The following CHDH variants were observed in gnomAD, a reference collection of about 807,000 sequenced individuals.
CHDH encodes the protein choline dehydrogenase.
Under a neutral mutation model 56.9 loss-of-function variants are expected in CHDH, and 43 were observed. The ratio of observed to expected loss-of-function variants is 0.76; its 90% CI spans 0.59 to 0.97. CHDH has a LOEUF of 0.97. Ranked by LOEUF, CHDH falls within the 50% of genes least tolerant of loss-of-function variation. The pLI, the probability that CHDH is intolerant of heterozygous loss-of-function variation, is 0.00. For synonymous variants in CHDH, 364 were observed against 348.5 expected, an observed-to-expected ratio of 1.04 and a Z score of -0.50; for missense variants, 816 against 821.1, an observed-to-expected ratio of 0.99 and a Z score of 0.08.
chr3:53,842,124 CAAA>C (rs57514436), intron 1 of CHDH, among the ~76,000 whole-genome samples: 1 of 137,960 alleles, frequency 7.2e-6, no homozygotes, highest in Non-Finnish European at 1.6e-5. Context: ...CACTCTGTCT[CAAA>C]AAAAAAAAAG....
intron 2 of CHDH, among the ~76,000 whole-genome samples, chr3:53,828,037 A>G (rs2095642039): frequency 6.6e-6 from 1 of 152,206 alleles, no homozygotes; most frequent in South Asian, 2.1e-4. Flanking sequence ...GAATAGATCA[A>G]TGGAACAGAA....
At chr3:53,828,030 T>C (rs929477384) in intron 2 of CHDH, among the ~76,000 whole-genome samples, 1 of 152,128 alleles carries the variant, frequency 6.6e-6, no homozygotes, top group Non-Finnish European at 1.5e-5. Context: ...TATTGGTGAA[T>C]AGATCAATGG....
chr3:53,824,061 C>A lies in CHDH; in HGVS notation c.-53G>T. The A allele has an allele frequency of 7.2e-7, 1 of 1,392,930 alleles. No homozygotes were observed. Among genetic ancestry groups the A allele is most frequent in the Non-Finnish European group, 9.3e-7 (1 of 1,073,282 alleles). 86.3% of individuals were successfully genotyped at this position (1,392,930 alleles called of 1,614,324 possible). ...CCACGGAGGGGAATGAGATGACTCA[C>A]TTCTCCCTAAAACAGGAAGAGGGGC... is the stretch of plus-strand genomic sequence containing the variant. On this transcript the variant is annotated 5_prime_UTR_variant, in exon 3 of 9. Transcript: ENST00000315251.
chr3:53,819,442 AGGGAGAAT>A lies in CHDH; in HGVS notation c.1263+82_1263+89del. On this transcript the variant is annotated intron_variant, in intron 7 of 8. Transcript: ENST00000315251. The surrounding 1 kb of genome is among the most constrained non-coding windows in gnomAD (Gnocchi z 5.4). Reference sequence around the variant, plus strand: ...CCCCACTCTGCAGCCATATGGCACCAGGGAGAATGCTGCCTTGGAAGATGGGAGCATCT... The same window carrying A: ...CCCCACTCTGCAGCCATATGGCACCAGCTGCCTTGGAAGATGGGAGCATCT... 2.7e-6 allele frequency: 4 copies of A among 1,504,242 alleles called. No homozygotes were observed. In the South Asian group the frequency reaches 5.2e-5, roughly 20 times the overall value. 93.2% of individuals were successfully genotyped at this position (1,504,242 alleles called of 1,614,324 possible).
intron 1 of CHDH, chr3:53,844,679 GAGCCT>G (rs1698794023): frequency 6.6e-6 from 1 of 152,610 alleles, no homozygotes; most frequent in African/African-American, 2.4e-5. Flanking sequence ...GCACAGCCCA[GAGCCT>G]GGCCCACAGC....
In CHDH at chr3:53,816,145, CGCCCCAGTCTGTAAGCCG is replaced by C. The variant is rs2095615645; in HGVS notation, c.*1614_*1631del. On this transcript the variant is annotated 3_prime_UTR_variant, in exon 9 of 9. Transcript: ENST00000315251. Reference sequence around the variant, plus strand: ...GTGGCTGTCGGACGCCCCCCCCCCCCGCCCCAGTCTGTAAGCCGCCCCAATCCTCTCAGATCCGAGCAA... The same window carrying C: ...GTGGCTGTCGGACGCCCCCCCCCCCCCCCCAATCCTCTCAGATCCGAGCAA... 9.1e-6 allele frequency: 1 copy of C among 109,466 alleles called. No individual in the cohort carries two copies. The highest frequency in any genetic ancestry group is 9.9e-5 in the Admixed American group (1 of 10,152). 6.8% of individuals were successfully genotyped at this position (109,466 alleles called of 1,614,324 possible).
In CHDH at chr3:53,817,374, C is replaced by A. The variant is rs923667403; in HGVS notation, c.*403G>T. ...AAGAAGGAGGATGCCCCTTCCTTCG[C>A]GAACCCTCCGTGGGTCTGGCAGGCA... On this transcript the variant is annotated 3_prime_UTR_variant, in exon 9 of 9. Coordinates refer to ENST00000315251, the MANE Select transcript of CHDH (RefSeq NM_018397.5). 2 of 185,046 alleles carry A rather than the reference C, an allele frequency of 1.1e-5. No homozygotes were observed. Among genetic ancestry groups the A allele is most frequent in the African/African-American group, 2.4e-5 (1 of 42,512 alleles). 11.5% of individuals were successfully genotyped at this position (185,046 alleles called of 1,614,324 possible).
chr3:53,839,271 C>T (rs985850993), intron 2 of CHDH, among the ~76,000 whole-genome samples: 1 of 152,194 alleles, frequency 6.6e-6, no homozygotes, highest in Admixed American at 6.5e-5. Flanking sequence ...CTAGATCAAT[C>T]CACCGACTCA....
rs2095610961 is a variant in CHDH at position 53,813,878 on chromosome 3, T to C, written c.*3899A>G. The C allele has an allele frequency of 6.6e-6, 1 of 152,250 alleles. No homozygotes were observed. Among genetic ancestry groups the C allele is most frequent in the Non-Finnish European group, 1.5e-5 (1 of 68,052 alleles). The allele number at this position is 152,250 out of a possible 1,614,324, so 9.4% of individuals were successfully genotyped here. A position where few individuals can be genotyped will look rare whatever the true frequency, so the allele number is the denominator to read the frequency against. ...AATAACACATTTAGTTTCTTTAGTCTTATGTTTTTCATAATCTCACAAAAT... is the reference window on the plus strand; with the variant it reads ...AATAACACATTTAGTTTCTTTAGTCCTATGTTTTTCATAATCTCACAAAAT... On this transcript the variant is annotated 3_prime_UTR_variant, in exon 9 of 9. Coordinates refer to ENST00000315251, the MANE Select transcript of CHDH (RefSeq NM_018397.5).
intron 2 of CHDH, among the ~76,000 whole-genome samples, chr3:53,833,755 C>G (rs191758859): frequency 6.6e-6 from 1 of 152,242 alleles, no homozygotes; most frequent in East Asian, 1.9e-4. Flanking sequence ...CAGTCTAGTG[C>G]CTGGACCAGA....
At chr3:53,836,418 C>T (rs1698497518) in intron 2 of CHDH, among the ~76,000 whole-genome samples, 1 of 152,220 alleles carries the variant, frequency 6.6e-6, no homozygotes, top group South Asian at 2.1e-4. Flanking sequence ...TCCCTTCCTC[C>T]CCAGGGCCTT....
intron 2 of CHDH, among the ~76,000 whole-genome samples, chr3:53,824,545 G>A (rs1351689906): frequency 6.6e-6 from 1 of 152,172 alleles, no homozygotes; most frequent in African/African-American, 2.4e-5. Context: ...CCTGGGAAAA[G>A]GACAAGACTT....
intron 2 of CHDH, among the ~76,000 whole-genome samples, chr3:53,828,162 G>GACAC (rs60594351): frequency 0.031 from 4,484 of 145,208 alleles, 82 homozygotes; most frequent in African/African-American, 0.061. Context: ...GGAATAACTA[G>GACAC]ACACACACAC....
chr3:53,843,188 C>CTTTTTTTTTTTTT (rs10636132), intron 1 of CHDH, among the ~76,000 whole-genome samples: 1 of 125,186 alleles, frequency 8.0e-6, no homozygotes, highest in Non-Finnish European at 1.6e-5. Context: ...CCCCCCCCAC[C>CTTTTTTTTTTTTT]TTTTTTTTTT....
intron 2 of CHDH, among the ~76,000 whole-genome samples, chr3:53,834,320 T>C (rs1029455570): frequency 2.6e-5 from 4 of 152,056 alleles, no homozygotes; most frequent in Admixed American, 2.0e-4. Flanking sequence ...TAATAAGGCA[T>C]CTGTAATCCC....
chr3:53,826,771 A>G (rs1402360108), intron 2 of CHDH, among the ~76,000 whole-genome samples: 1 of 152,240 alleles, frequency 6.6e-6, no homozygotes, highest in Admixed American at 6.5e-5. Flanking sequence ...AGACAAGAAA[A>G]GGAAAAGGTA....
Position 53,817,606 on chromosome 3 carries a change from C to T in CHDH, c.*171G>A, listed in dbSNP as rs1360222835. The T allele has an allele frequency of 3.3e-6, 2 of 607,670 alleles. No homozygotes were observed. Among genetic ancestry groups the T allele is most frequent in the Non-Finnish European group, 5.7e-6 (2 of 350,128 alleles). 37.6% of individuals were successfully genotyped at this position (607,670 alleles called of 1,614,324 possible). A position where few individuals can be genotyped will look rare whatever the true frequency, so the allele number is the denominator to read the frequency against. On this transcript the variant is annotated 3_prime_UTR_variant, in exon 9 of 9. Transcript: ENST00000315251. ...GGGAAAAGGAGCTGGATTCACTGCC[C>T]AGTACTTGTCTCATTTCCCAAGACT... is the stretch of plus-strand genomic sequence containing the variant.
In CHDH at chr3:53,813,975, A is replaced by G. The variant is rs938441119; in HGVS notation, c.*3802T>C. 6.6e-6 allele frequency: 1 copy of G among 152,206 alleles called. No individual in the cohort carries two copies. The highest frequency in any genetic ancestry group is 1.5e-5 in the Non-Finnish European group (1 of 68,034). The allele number at this position is 152,206 out of a possible 1,614,324, so 9.4% of individuals were successfully genotyped here. Reference sequence around the variant, plus strand: ...ACTAAGAACCATCTCTGCTCAGCCTATGGACTCCGACATCCACCCAGACAG... The same window carrying G: ...ACTAAGAACCATCTCTGCTCAGCCTGTGGACTCCGACATCCACCCAGACAG... On this transcript the variant is annotated 3_prime_UTR_variant, in exon 9 of 9. Coordinates refer to ENST00000315251, the MANE Select transcript of CHDH (RefSeq NM_018397.5).
In CHDH at chr3:53,823,621, C is replaced by A; in HGVS notation, c.388G>T (p.Gly130Cys). Residue 130 changes from glycine to cysteine, a missense_variant, in exon 3 of 9, where the codon GGC becomes TGC. Coordinates refer to ENST00000315251, the MANE Select transcript of CHDH (RefSeq NM_018397.5). ...ACCATGGCATTGAGGGATGAGGAGC[C>A]ACCCCAGACGCGGCCGCGTGGCCAG... The part of the protein sequence containing the change: ...LYWPRGRVWG[G>C]SSSLNAMVYV... The A allele has an allele frequency of 6.5e-7, 1 of 1,544,026 alleles. No individual in the cohort carries two copies. Among genetic ancestry groups the A allele is most frequent in the South Asian group, 1.2e-5 (1 of 83,968 alleles).
Sources: allele counts gnomAD v4.1 joint callset (sites outside exome capture counted in the v4.1 genomes callset), GRCh38; gene constraint gnomAD v4.1.1; non-coding constraint Gnocchi (gnomAD v3.1); transcripts MANE v1.5; gene names NCBI Gene and HGNC (gene_info 2026-07-23, HGNC 2026-07-21).